Variants in UNC5B observed in about 807,000 individuals in gnomAD.
UNC5B encodes the protein unc-5 netrin receptor B.
A neutral mutation model predicts 103.7 loss-of-function variants in UNC5B; 56 were observed. The observed-to-expected ratio is 0.54, with a 90% CI of 0.44 to 0.67. UNC5B has a LOEUF of 0.67. Among genes scored for constraint, UNC5B ranks in the 30% least tolerant of loss-of-function variants. UNC5B has a pLI of 0.00. For synonymous variants in UNC5B, 577 were observed against 542.0 expected, an observed-to-expected ratio of 1.06 and a Z score of -0.90; for missense variants, 1,194 against 1,284.5, an observed-to-expected ratio of 0.93 and a Z score of 1.08.
At chr10:71,290,651 A>G (rs1845223255) in intron 8 of UNC5B, among the ~76,000 whole-genome samples, 1 of 152,214 alleles carries the variant, frequency 6.6e-6, no homozygotes, top group South Asian at 2.1e-4. Flanking sequence ...GCAATGAATT[A>G]ACACATGGCA....
intron 1 of UNC5B, among the ~76,000 whole-genome samples, chr10:71,255,983 T>C (rs1844281942): frequency 6.6e-6 from 1 of 152,324 alleles, no homozygotes; most frequent in East Asian, 1.9e-4. Context: ...CCTGGCAGGC[T>C]CCGTGCTGGA....
At chr10:71,275,872 A>T (rs1460949100) in intron 1 of UNC5B, among the ~76,000 whole-genome samples, 1 of 151,866 alleles carries the variant, frequency 6.6e-6, no homozygotes, top group African/African-American at 2.4e-5. Context: ...TCAGCATCAT[A>T]TCACTCTGTT....
intron 4 of UNC5B, 82 bp from the exon 5 acceptor site, chr10:71,286,607 G>A (rs935631968): frequency 1.2e-5 from 19 of 1,550,786 alleles, no homozygotes; most frequent in Non-Finnish European, 1.4e-5. Context: ...CTATGGCGTG[G>A]ACCCAGGTAG....
intron 1 of UNC5B, among the ~76,000 whole-genome samples, chr10:71,274,509 C>T (rs1844721900): frequency 6.6e-6 from 1 of 152,156 alleles, no homozygotes; most frequent in Non-Finnish European, 1.5e-5. Context: ...ATTCCCCATC[C>T]CCACAGGTAT....
At position 71,295,930 on chromosome 10, in the gene UNC5B, T is replaced by C. The variant is rs1845400249; in HGVS notation, c.2295T>C (p.His765=). ...RLSLHDLPHA[H]WRSKLLAKYQ... ...CCCTCCATGACCTCCCCCATGCCCA[T>C]TGGAGGAGCAAGCTGCTGGCCAAAT... The change falls in exon 14 of 17, where the codon CAT becomes CAC. Residue 765 remains histidine (H), a synonymous_variant. Transcript: ENST00000335350. 4 of 1,612,986 alleles carry C rather than the reference T, an allele frequency of 2.5e-6. No homozygotes were observed. The highest frequency in any genetic ancestry group is 2.2e-5 in the South Asian group (2 of 91,036).
intron 1 of UNC5B, among the ~76,000 whole-genome samples, chr10:71,251,680 A>G (rs1844175576): frequency 6.6e-6 from 1 of 152,200 alleles, no homozygotes; most frequent in African/African-American, 2.4e-5. Flanking sequence ...GGTTCCTGCA[A>G]AGACCCAGAA....
At chr10:71,233,027 G>A (rs773042323) in intron 1 of UNC5B, among the ~76,000 whole-genome samples, 14 of 152,214 alleles carry the variant, frequency 9.2e-5, no homozygotes, top group South Asian at 2.1e-4. Context: ...TGGGCAGGTC[G>A]CTGTCCCTCT....
chr10:71,238,158 G>C (rs1013933332), intron 1 of UNC5B, among the ~76,000 whole-genome samples: 24 of 152,304 alleles, frequency 1.6e-4, no homozygotes, highest in African/African-American at 5.5e-4. Context: ...CCCCTGCCCT[G>C]GGTGGAAAGC....
intron 1 of UNC5B, among the ~76,000 whole-genome samples, chr10:71,271,967 G>A (rs1027682533): frequency 3.3e-5 from 5 of 152,224 alleles, no homozygotes; most frequent in East Asian, 1.9e-4. Flanking sequence ...CATTGTGACC[G>A]CCTCCGAGGG....
chr10:71,280,084 C>T, intron 2 of UNC5B, 39 bp downstream of exon 2: 2 of 1,604,422 alleles, frequency 1.2e-6, no homozygotes, highest in Non-Finnish European at 1.7e-6. Flanking sequence ...CCAGGACACC[C>T]CAGGCCCAGA....
At chr10:71,222,968 C>T (rs932683184) in intron 1 of UNC5B, among the ~76,000 whole-genome samples, 1 of 152,234 alleles carries the variant, frequency 6.6e-6, no homozygotes, top group South Asian at 2.1e-4. Flanking sequence ...CCCCCTCCCC[C>T]ATCCCTATCC....
At position 71,288,570 on chromosome 10, in the gene UNC5B, G is replaced by A. The variant is rs544716513; in HGVS notation, c.904G>A (p.Asp302Asn). The A allele has an allele frequency of 6.2e-6, 10 of 1,612,574 alleles. No homozygotes were observed. Among genetic ancestry groups the A allele is most frequent in the South Asian group, 4.4e-5 (4 of 90,994 alleles). The part of the protein sequence containing the change: ...KTACTTICPV[D>N]GAWTEWSKWS... Reference sequence around the variant, plus strand: ...TCCTGTATGCCATGCTCTTACAGTCGATGGGGCGTGGACGGAGTGGAGCAA... The same window carrying A: ...TCCTGTATGCCATGCTCTTACAGTCAATGGGGCGTGGACGGAGTGGAGCAA... The change falls in exon 7 of 17, where the codon GAT becomes AAT. Residue 302 changes from aspartate (D) to asparagine (N), a missense_variant and splice_region_variant. Asp to Asn is a conservative substitution (Grantham distance 23). Coordinates refer to ENST00000335350, the MANE Select transcript of UNC5B (RefSeq NM_170744.5).
intron 1 of UNC5B, among the ~76,000 whole-genome samples, chr10:71,250,998 A>G (rs1052168885): frequency 2.0e-5 from 3 of 152,180 alleles, no homozygotes; most frequent in East Asian, 1.9e-4. Flanking sequence ...GACTTTCAGG[A>G]GATGTGCTGA....
Position 71,284,942 on chromosome 10 carries a change from C to T in UNC5B, c.448+79C>T, listed in dbSNP as rs1312783259. On this transcript the variant is annotated intron_variant, in intron 3 of 16. Coordinates refer to ENST00000335350, the MANE Select transcript of UNC5B (RefSeq NM_170744.5). ...GGATGCTGGAGAGGGAACTTCACAT[C>T]TGTGGGGCCTCCTCCAGCATCCCTG... 5 of 1,509,276 alleles carry T rather than the reference C, an allele frequency of 3.3e-6. No homozygotes were observed. In the East Asian group the frequency reaches 6.8e-5, roughly 21 times the overall value. The allele number at this position is 1,509,276 out of a possible 1,614,324, so 93.5% of individuals were successfully genotyped here.
intron 14 of UNC5B, 95 bp from the exon 15 acceptor site, chr10:71,296,483 C>G: frequency 7.0e-7 from 1 of 1,424,088 alleles, no homozygotes; most frequent in South Asian, 1.3e-5. Flanking sequence ...GCCTGAACTG[C>G]CCCCCAAAGC....
chr10:71,230,810 A>G (rs969887617), intron 1 of UNC5B, among the ~76,000 whole-genome samples: 1 of 152,236 alleles, frequency 6.6e-6, no homozygotes, highest in Non-Finnish European at 1.5e-5. Context: ...GCAGGGAAGC[A>G]GGGAAGTGGG....
intron 1 of UNC5B, among the ~76,000 whole-genome samples, chr10:71,236,857 G>A (rs1352752880): frequency 8.5e-5 from 13 of 152,200 alleles, no homozygotes; most frequent in Admixed American, 7.9e-4. Context: ...TCTGTGCCTC[G>A]CTCCAAGGGG....
rs189687810 is a variant in UNC5B, at chr10:71,268,923, T to A, written c.80-10898T>A. ...ACAGCATTGCCAGCCTCACTCCCCG[T>A]GCCAGCTCTGCGTCCTTCAGCTCCT... On this transcript the variant is annotated intron_variant, in intron 1 of 16. Coordinates refer to ENST00000335350, the MANE Select transcript of UNC5B (RefSeq NM_170744.5). Among the ~76,000 whole-genome samples, 217 of 152,334 alleles carry A rather than the reference T, an allele frequency of 1.4e-3. 2 individuals are homozygous for A. The highest frequency in any genetic ancestry group is 5.1e-3 in the African/African-American group (213 of 41,576).
intron 1 of UNC5B, among the ~76,000 whole-genome samples, chr10:71,245,118 C>T (rs1843998000): frequency 1.3e-5 from 2 of 152,210 alleles, no homozygotes; most frequent in Non-Finnish European, 2.9e-5. Context: ...CTCTGACCTC[C>T]TCTCCCCCAA....
Sources: gnomAD v4.1 joint callset for allele counts (sites outside exome capture counted in the v4.1 genomes callset) on GRCh38, gnomAD v4.1.1 for gene constraint, MANE v1.5 for transcripts, NCBI Gene and HGNC (gene_info 2026-07-23, HGNC 2026-07-21) for gene names.